TLN2: variants seen among roughly 807,000 people sequenced by gnomAD.
The protein encoded by TLN2 is talin-2.
In TLN2, 118 loss-of-function variants were observed where a neutral mutation model predicts 294.7. That is an observed-to-expected ratio of 0.40 (90% confidence interval 0.34 to 0.47). TLN2 has a LOEUF of 0.47. Among genes scored for constraint, TLN2 ranks in the 20% least tolerant of loss-of-function variants. The probability of loss-of-function intolerance (pLI) is 0.84; values close to 1 mark genes in which losing one functional copy is unlikely to be tolerated. For missense variants in TLN2, 3,083 were observed against 3,282.2 expected (o/e 0.94, Z 1.48); for synonymous variants, 1,431 against 1,304.5 (o/e 1.10, Z -2.09).
At chr15:62,426,641 G>A (rs1235459801) in intron 1 of TLN2, among the ~76,000 whole-genome samples, 2 of 152,242 alleles carry the variant, frequency 1.3e-5, no homozygotes, top group Admixed American at 1.3e-4. Flanking sequence ...TGGGGGCCCC[G>A]GGTGTGCTGG....
intron 10 of TLN2, 30 bp downstream of exon 10, chr15:62,673,920 C>A (rs1231891642): frequency 5.7e-6 from 9 of 1,565,770 alleles, no homozygotes; most frequent in Non-Finnish European, 7.0e-6. Flanking sequence ...CTTTATTATT[C>A]TCCTCACTCC....
At chr15:62,653,622 G>C (rs2052859337) in intron 7 of TLN2, among the ~76,000 whole-genome samples, 1 of 152,052 alleles carries the variant, frequency 6.6e-6, no homozygotes, top group Admixed American at 6.6e-5. Flanking sequence ...AGCTACTCAG[G>C]AGGCTCAGGC....
In TLN2 at chr15:62,580,352, C is replaced by A. The variant is rs541194185; in HGVS notation, c.-237-9335C>A. Among the ~76,000 whole-genome samples the A allele has an allele frequency of 3.9e-4, 60 of 152,046 alleles. 1 individual carries two copies. In the South Asian group the frequency reaches 0.012, roughly 31 times the overall value. On this transcript the variant is annotated intron_variant, in intron 1 of 58. Coordinates refer to ENST00000636159, the MANE Select transcript of TLN2 (RefSeq NM_015059.3). ...ATGAACCTATATTGACAAATCATTACCACCTAAAGACCATAGTTTACCTTA... is the reference window on the plus strand; with the variant it reads ...ATGAACCTATATTGACAAATCATTAACACCTAAAGACCATAGTTTACCTTA...
At chr15:62,609,031 G>A (rs988580342) in intron 2 of TLN2, among the ~76,000 whole-genome samples, 1 of 152,068 alleles carries the variant, frequency 6.6e-6, no homozygotes, top group Admixed American at 6.5e-5. Flanking sequence ...AGCCTGGAGA[G>A]TTTGTGGGCT....
chr15:62,434,061 T>C (rs1010073950), intron 1 of TLN2, among the ~76,000 whole-genome samples: 4 of 151,814 alleles, frequency 2.6e-5, no homozygotes, highest in Non-Finnish European at 5.9e-5. Context: ...TTAATACAAT[T>C]TTAATTTTCA....
intron 44 of TLN2, among the ~76,000 whole-genome samples, chr15:62,782,407 T>G (rs1484551059): frequency 6.6e-6 from 1 of 152,198 alleles, no homozygotes; most frequent in Non-Finnish European, 1.5e-5. Context: ...CAGCACAGAT[T>G]CCTGTTGAGC....
intron 9 of TLN2, among the ~76,000 whole-genome samples, chr15:62,669,222 C>G (rs1313051357): frequency 1.3e-5 from 2 of 152,180 alleles, no homozygotes; most frequent in African/African-American, 4.8e-5. Context: ...AATGCAGTAG[C>G]TCAATTTTTA....
At chr15:62,477,919 G>GGT (rs2037869735) in intron 1 of TLN2, among the ~76,000 whole-genome samples, 1 of 146,614 alleles carries the variant, frequency 6.8e-6, no homozygotes, top group Non-Finnish European at 1.5e-5. Flanking sequence ...GGTGCAGCGG[G>GGT]GGCAGAGGGG....
At chr15:62,674,694 G>A (rs950391902) in intron 10 of TLN2, among the ~76,000 whole-genome samples, 3 of 151,910 alleles carry the variant, frequency 2.0e-5, no homozygotes. Context: ...TAGAGAGGGG[G>A]TTTCACCATG....
At chr15:62,831,980 C>G (rs1312184752) in intron 54 of TLN2, 4 of 152,110 alleles carry the variant, frequency 2.6e-5, no homozygotes, top group African/African-American at 9.7e-5. Flanking sequence ...ATTTTGGAGT[C>G]AGATTTAGGT....
intron 19 of TLN2, among the ~76,000 whole-genome samples, chr15:62,703,719 CA>C (rs2058877710): frequency 6.6e-6 from 1 of 152,150 alleles, no homozygotes. Context: ...TCCAAAACCA[CA>C]AGCGTGGCAG....
rs563336221 is a variant in TLN2 at position 62,838,708 on chromosome 15, A to G, written c.7375-148A>G. 3.9e-5 allele frequency: 40 copies of G among 1,026,568 alleles called. 1 individual carries two copies. The African/African-American group carries it at 6.8e-4, about 17-fold the overall frequency. The allele number at this position is 1,026,568 out of a possible 1,614,324, so 63.6% of individuals were successfully genotyped here. On this transcript the variant is annotated intron_variant, in intron 57 of 58. Transcript: ENST00000636159. ...AGAATCCACGGATGGATGGACAGACAGATGGGTACTCTCTGGCTACAGAAC... is the reference window on the plus strand; with the variant it reads ...AGAATCCACGGATGGATGGACAGACGGATGGGTACTCTCTGGCTACAGAAC...
At chr15:62,630,641 G>C (rs982824016) in intron 3 of TLN2, among the ~76,000 whole-genome samples, 3 of 151,832 alleles carry the variant, frequency 2.0e-5, no homozygotes, top group Non-Finnish European at 4.4e-5. Context: ...AAGATTTAAT[G>C]AATGTTTTTT....
intron 1 of TLN2, among the ~76,000 whole-genome samples, chr15:62,539,173 C>G (rs1480027929): frequency 6.6e-6 from 1 of 152,182 alleles, no homozygotes; most frequent in African/African-American, 2.4e-5. Flanking sequence ...TTTTAGGGAG[C>G]TTAAGCAATG....
rs73432256 is a variant in TLN2, at chr15:62,842,918, C to T, written c.*2308C>T. On this transcript the variant is annotated 3_prime_UTR_variant, in exon 59 of 59. Coordinates refer to ENST00000636159, the MANE Select transcript of TLN2 (RefSeq NM_015059.3). ...TCCACCCTGCACATGTGTATGTGAACGGCTTCGTGGCCGGTGTGGTGGTTT... is the reference window on the plus strand; with the variant it reads ...TCCACCCTGCACATGTGTATGTGAATGGCTTCGTGGCCGGTGTGGTGGTTT... 8.0e-3 allele frequency: 1,225 copies of T among 152,276 alleles called. 18 individuals are homozygous for T. The highest frequency in any genetic ancestry group is 0.028 in the African/African-American group (1,160 of 41,566). The allele number at this position is 152,276 out of a possible 1,614,324, so 9.4% of individuals were successfully genotyped here.
chr15:62,686,950 G>A (rs2057338493), intron 12 of TLN2, among the ~76,000 whole-genome samples, 154 bp downstream of exon 12: 1 of 152,228 alleles, frequency 6.6e-6, no homozygotes, highest in Admixed American at 6.5e-5. Context: ...GGGCAGGGAA[G>A]GGGATGGGTC....
intron 1 of TLN2, among the ~76,000 whole-genome samples, chr15:62,511,162 C>A (rs1404700779): frequency 1.3e-5 from 2 of 152,192 alleles, no homozygotes; most frequent in African/African-American, 4.8e-5. Context: ...CTAGGATGAT[C>A]AGGGCATGGC....
intron 11 of TLN2, 93 bp downstream of exon 11, chr15:62,675,414 ACCC>A: frequency 1.6e-6 from 2 of 1,286,676 alleles, no homozygotes; most frequent in Non-Finnish European, 2.2e-6. Flanking sequence ...TGTCCTGCTC[ACCC>A]CCCTAGCATT....
intron 1 of TLN2, among the ~76,000 whole-genome samples, chr15:62,483,335 A>G (rs1426241425): frequency 1.3e-5 from 2 of 152,200 alleles, no homozygotes; most frequent in African/African-American, 2.4e-5. Flanking sequence ...GCTACCCACC[A>G]CAGGCTGCTT....
Sources: gnomAD v4.1 joint callset for allele counts (sites outside exome capture counted in the v4.1 genomes callset) on GRCh38, gnomAD v4.1.1 for gene constraint, MANE v1.5 for transcripts, NCBI Gene and HGNC (gene_info 2026-07-23, HGNC 2026-07-21) for gene names.